Variants in CDK14 observed in about 807,000 individuals in gnomAD.
CDK14 encodes the protein cyclin-dependent kinase 14.
A neutral mutation model predicts 60.7 loss-of-function variants in CDK14; 34 were observed. The observed-to-expected ratio is 0.56, with a 90% CI of 0.43 to 0.75. The LOEUF is 0.75. CDK14 is among the 30% of genes least tolerant of loss of function. CDK14 has a pLI of 0.00. For synonymous variants in CDK14, 197 were observed against 203.7 expected (o/e 0.97, Z 0.28); for missense variants, 482 against 564.1 (o/e 0.85, Z 1.47).
intron 5 of CDK14, among the ~76,000 whole-genome samples, chr7:90,853,658 G>A (rs1790722964): frequency 6.6e-6 from 1 of 152,204 alleles, no homozygotes; most frequent in African/African-American, 2.4e-5. Flanking sequence ...TGGAATATAA[G>A]CTTCATGAGA....
chr7:91,050,522 A>G (rs17163541), intron 11 of CDK14, among the ~76,000 whole-genome samples: 11,952 of 152,206 alleles, frequency 0.079, 695 homozygotes, highest in African/African-American at 0.16. Context: ...TAACCTGTAT[A>G]TCTTCTTCTG....
intron 11 of CDK14, among the ~76,000 whole-genome samples, chr7:91,077,932 CAG>C (rs1798371670): frequency 6.6e-6 from 1 of 151,962 alleles, no homozygotes; most frequent in Non-Finnish European, 1.5e-5. Flanking sequence ...TGTAAATGGC[CAG>C]AAAGCGTATG....
intron 5 of CDK14, among the ~76,000 whole-genome samples, chr7:90,852,018 C>G (rs534643002): frequency 1.5e-4 from 23 of 152,194 alleles, no homozygotes; most frequent in Admixed American, 1.5e-3. Flanking sequence ...CTTGCTTTAG[C>G]CTCCCGAGTA....
intron 6 of CDK14, among the ~76,000 whole-genome samples, chr7:90,870,334 T>C (rs1192066136): frequency 3.3e-5 from 5 of 151,924 alleles, no homozygotes; most frequent in Admixed American, 2.0e-4. Context: ...CACACTGGGG[T>C]GTGCCAGAGG....
rs887196306 is a variant in CDK14, at chr7:91,056,410, C to CT, written c.1105+10459dup. Among the ~76,000 whole-genome samples the CT allele has an allele frequency of 2.5e-4, 37 of 149,488 alleles. 1 individual carries two copies. The South Asian group carries it at 2.6e-3, about 10-fold the overall frequency. On this transcript the variant is annotated intron_variant, in intron 11 of 14. Coordinates refer to ENST00000380050, the MANE Select transcript of CDK14 (RefSeq NM_001287135.2). ...ATAAATTTTTCAGCATGTGAAAATT[C>CT]TTTTTTTTTAATTATACTTTAACTT...
chr7:90,741,626 A>G (rs1803349079), intron 3 of CDK14, among the ~76,000 whole-genome samples: 1 of 152,194 alleles, frequency 6.6e-6, no homozygotes, highest in African/African-American at 2.4e-5. Flanking sequence ...ATTTAGAGAC[A>G]TATTTGTTAT....
At chr7:90,628,377 T>C (rs982341994) in intron 2 of CDK14, among the ~76,000 whole-genome samples, 9 of 152,228 alleles carry the variant, frequency 5.9e-5, no homozygotes, top group African/African-American at 2.2e-4. Context: ...CCAGGACTCC[T>C]CAATCACTTC....
chr7:91,066,752 T>C (rs546542136), intron 11 of CDK14, among the ~76,000 whole-genome samples: 116 of 152,324 alleles, frequency 7.6e-4, no homozygotes, highest in African/African-American at 2.7e-3. Context: ...ATTGCAGTGC[T>C]TACGTGCATG....
intron 8 of CDK14, among the ~76,000 whole-genome samples, chr7:90,943,903 G>A (rs544105117): frequency 1.4e-4 from 22 of 152,154 alleles, no homozygotes; most frequent in Non-Finnish European, 2.9e-4. Flanking sequence ...GCAGTGTTGG[G>A]AGGTGGGACC....
chr7:90,876,246 C>A (rs934307079), intron 6 of CDK14, among the ~76,000 whole-genome samples: 1 of 152,188 alleles, frequency 6.6e-6, no homozygotes, highest in African/African-American at 2.4e-5. Context: ...AAAAAACTTC[C>A]AAACTCCTGC....
chr7:90,881,305 A>G (rs1188131225), intron 6 of CDK14, among the ~76,000 whole-genome samples: 1 of 152,216 alleles, frequency 6.6e-6, no homozygotes, highest in African/African-American at 2.4e-5. Flanking sequence ...CATACAGAAT[A>G]TCAACAGCTG....
chr7:90,765,851 A>T (rs1804535708), intron 4 of CDK14, among the ~76,000 whole-genome samples: 4 of 152,200 alleles, frequency 2.6e-5, no homozygotes, highest in Admixed American at 2.6e-4. Flanking sequence ...CAGTAGAAAG[A>T]GAAAAAGTTA....
chr7:90,852,342 A>G (rs970900772), intron 5 of CDK14, among the ~76,000 whole-genome samples: 1 of 152,242 alleles, frequency 6.6e-6, no homozygotes, highest in Non-Finnish European at 1.5e-5. Context: ...CTTTGCATAA[A>G]CCATTTTATT....
At chr7:90,965,776 C>T (rs1794735244) in intron 9 of CDK14, among the ~76,000 whole-genome samples, 1 of 152,198 alleles carries the variant, frequency 6.6e-6, no homozygotes, top group African/African-American at 2.4e-5. Context: ...AACTGTATAT[C>T]ATTAATGATA....
chr7:90,720,012 G>A (rs1802387611), intron 2 of CDK14, among the ~76,000 whole-genome samples: 2 of 152,136 alleles, frequency 1.3e-5, no homozygotes, highest in African/African-American at 4.8e-5. Flanking sequence ...TTAACCTGTG[G>A]AAGTTCCTTA....
chr7:90,779,804 A>G (rs1057204756), intron 4 of CDK14, among the ~76,000 whole-genome samples: 3 of 152,218 alleles, frequency 2.0e-5, no homozygotes, highest in South Asian at 2.1e-4. Context: ...TGACAATACT[A>G]TATGATAACA....
At chr7:91,206,560 A>G (rs962729393) in intron 14 of CDK14, among the ~76,000 whole-genome samples, 1 of 152,164 alleles carries the variant, frequency 6.6e-6, no homozygotes, top group African/African-American at 2.4e-5. Flanking sequence ...TTTTTGCTTG[A>G]ACCATTCACC....
chr7:90,774,429 C>G (rs1166221231), intron 4 of CDK14, among the ~76,000 whole-genome samples: 1 of 152,082 alleles, frequency 6.6e-6, no homozygotes, highest in Non-Finnish European at 1.5e-5. Context: ...TAGAACAGAC[C>G]TTTAGATTCA....
intron 7 of CDK14, among the ~76,000 whole-genome samples, chr7:90,912,603 T>C (rs753413157): frequency 5.9e-5 from 9 of 152,134 alleles, no homozygotes; most frequent in Non-Finnish European, 1.3e-4. Context: ...TTTTTTGTTT[T>C]GTTTATTCAT....
Sources: gnomAD v4.1 joint callset for allele counts (sites outside exome capture counted in the v4.1 genomes callset) on GRCh38, gnomAD v4.1.1 for gene constraint, MANE v1.5 for transcripts, NCBI Gene and HGNC (gene_info 2026-07-23, HGNC 2026-07-21) for gene names.